ATAD2B: variants seen among roughly 807,000 people sequenced by gnomAD.
The protein encoded by ATAD2B is ATPase family AAA domain-containing protein 2B.
ATAD2B carries 40 observed loss-of-function variants against 167.6 expected under a neutral mutation model. The observed-to-expected ratio is 0.24, with a 90% CI of 0.19 to 0.31. The LOEUF is 0.31. Ranked by LOEUF, ATAD2B falls within the 10% of genes least tolerant of loss-of-function variation. The pLI, the probability that ATAD2B is intolerant of heterozygous loss-of-function variation, is 1.00. For synonymous variants in ATAD2B, 579 were observed against 596.5 expected, an observed-to-expected ratio of 0.97 and a Z score of 0.43; for missense variants, 1,242 against 1,757.2, an observed-to-expected ratio of 0.71 and a Z score of 5.24.
intron 12 of ATAD2B, among the ~76,000 whole-genome samples, chr2:23,861,018 G>A (rs972086376): frequency 1.7e-4 from 26 of 151,624 alleles, no homozygotes; most frequent in African/African-American, 5.6e-4. Flanking sequence ...AGGGGTTTTG[G>A]GGAAAAAAAG....
intron 6 of ATAD2B, chr2:23,883,654 T>C: frequency 7.9e-7 from 1 of 1,270,160 alleles, no homozygotes. Flanking sequence ...ACAATAATAT[T>C]TGCTCAATAA....
chr2:23,897,837 T>C (rs13391415), intron 1 of ATAD2B, among the ~76,000 whole-genome samples: 1,895 of 152,328 alleles, frequency 0.012, 37 homozygotes, highest in African/African-American at 0.043. Context: ...TAGTCAATGA[T>C]AGTATTTAGA....
downstream of ATAD2B, among the ~76,000 whole-genome samples, chr2:23,745,073 G>A (rs1674757446): frequency 6.6e-6 from 1 of 152,078 alleles, no homozygotes; most frequent in Non-Finnish European, 1.5e-5. Flanking sequence ...ATCACCTGAG[G>A]TCAGGAGTTC....
At chr2:23,840,734 T>C (rs1376895714) in intron 13 of ATAD2B, among the ~76,000 whole-genome samples, 3 of 152,238 alleles carry the variant, frequency 2.0e-5, no homozygotes, top group Non-Finnish European at 4.4e-5. Context: ...AATGTGGTGG[T>C]TCCAATTAAT....
the ATAD2B span, chr2:23,696,247 C>G: frequency 6.7e-7 from 1 of 1,482,802 alleles, no homozygotes; most frequent in Non-Finnish European, 9.2e-7. This position sits in a 1 kb window ranked among gnomAD's most constrained non-coding sequence, Gnocchi z 5.5. Context: ...GCAGGTGAAG[C>G]CTTCCTCTGC....
chr2:23,706,890 T>C, the ATAD2B span: 38 of 462,204 alleles, frequency 8.2e-5, no homozygotes, highest in African/African-American at 7.6e-4. Flanking sequence ...GATCCCGCCA[T>C]GGGGCTGGCT....
Position 23,867,817 on chromosome 2 carries a change from A to G in ATAD2B, c.1188+18T>C. 1.3e-6 allele frequency: 2 copies of G among 1,549,262 alleles called. No individual in the cohort carries two copies. Among genetic ancestry groups the G allele is most frequent in the Non-Finnish European group, 1.8e-6 (2 of 1,136,664 alleles). On this transcript the variant is annotated intron_variant, in intron 10 of 27. Coordinates refer to ENST00000238789, the MANE Select transcript of ATAD2B (RefSeq NM_017552.4). Reference sequence around the variant, plus strand: ...TTAAAAAAAAGAAAACTTCTAGAAAAACATTTACAAAACTTACTGATTTAT... The same window carrying G: ...TTAAAAAAAAGAAAACTTCTAGAAAGACATTTACAAAACTTACTGATTTAT...
At chr2:23,729,895 A>T in the ATAD2B span, among the ~76,000 whole-genome samples, 1 of 152,244 alleles carries the variant, frequency 6.6e-6, no homozygotes, top group Non-Finnish European at 1.5e-5. Context: ...TTTAAGATAC[A>T]TGAAGGAAAA....
intron 1 of ATAD2B, among the ~76,000 whole-genome samples, chr2:23,918,707 C>T (rs1482659913): frequency 6.6e-6 from 1 of 152,170 alleles, no homozygotes; most frequent in Admixed American, 6.6e-5. Flanking sequence ...ACAACAGCTG[C>T]CACCTTCACT....
intron 22 of ATAD2B, among the ~76,000 whole-genome samples, chr2:23,780,627 C>T (rs953633432): frequency 1.3e-5 from 2 of 152,070 alleles, no homozygotes; most frequent in Non-Finnish European, 2.9e-5. Flanking sequence ...AGGCCAGGCG[C>T]GGTGGCTCAC....
chr2:23,865,853 T>C (rs1159995296), intron 10 of ATAD2B: 2 of 241,712 alleles, frequency 8.3e-6, no homozygotes, highest in Non-Finnish European at 1.3e-5. Flanking sequence ...CCCATAATAG[T>C]TTAAATAGCT....
chr2:23,857,886 C>A (rs573598139), intron 12 of ATAD2B, among the ~76,000 whole-genome samples: 5 of 151,526 alleles, frequency 3.3e-5, no homozygotes, highest in Non-Finnish European at 5.9e-5. Context: ...GGACTACAGG[C>A]GCACACCACC....
At chr2:23,807,566 T>C (rs1427688113) in intron 18 of ATAD2B, among the ~76,000 whole-genome samples, 1 of 151,982 alleles carries the variant, frequency 6.6e-6, no homozygotes, top group Non-Finnish European at 1.5e-5. Flanking sequence ...TCTCTGAAGA[T>C]ACTTCTTTGG....
chr2:23,830,405 A>G (rs1416204666), intron 14 of ATAD2B, among the ~76,000 whole-genome samples: 1 of 152,228 alleles, frequency 6.6e-6, no homozygotes. Context: ...GAAAATTACA[A>G]CACTTTTTAA....
At chr2:23,893,448 A>T (rs1231211275) in intron 2 of ATAD2B, among the ~76,000 whole-genome samples, 1 of 152,104 alleles carries the variant, frequency 6.6e-6, no homozygotes, top group Non-Finnish European at 1.5e-5. Context: ...ACATAAAAAC[A>T]AATACAAGCC....
rs532992343 is a variant in ATAD2B at position 23,821,859 on chromosome 2, G to C, written c.2131+1399C>G. Among the ~76,000 whole-genome samples the C allele has an allele frequency of 1.5e-3, 231 of 152,028 alleles. 2 individuals are homozygous for C. Among genetic ancestry groups the C allele is most frequent in the Non-Finnish European group, 2.7e-3 (181 of 67,946 alleles). On this transcript the variant is annotated intron_variant, in intron 16 of 27. Coordinates refer to ENST00000238789, the MANE Select transcript of ATAD2B (RefSeq NM_017552.4). Reference sequence around the variant, plus strand: ...TTAAGAGACAGGGTTTCACCATGTTGGCCAGGCTGGTCTTGAACTCCTGAC... The same window carrying C: ...TTAAGAGACAGGGTTTCACCATGTTCGCCAGGCTGGTCTTGAACTCCTGAC...
chr2:23,705,374 C>T, the ATAD2B span, among the ~76,000 whole-genome samples: 1 of 152,066 alleles, frequency 6.6e-6, no homozygotes, highest in Non-Finnish European at 1.5e-5. Context: ...GCCTGTAATC[C>T]CAGCTAACTC....
At chr2:23,872,702 G>A (rs1696190666) in intron 8 of ATAD2B, 1 of 1,257,396 alleles carries the variant, frequency 8.0e-7, no homozygotes, top group South Asian at 1.2e-5. Context: ...CTTTGCAGCA[G>A]TTTCTGCTTT....
chr2:23,863,359 T>C (rs1463610429), intron 12 of ATAD2B, 22 bp downstream of exon 12: 3 of 1,544,744 alleles, frequency 1.9e-6, no homozygotes, highest in African/African-American at 2.8e-5. Context: ...AAAAGACTCT[T>C]GAATTAGATG....
Sources: allele counts gnomAD v4.1 joint callset (sites outside exome capture counted in the v4.1 genomes callset), GRCh38; gene constraint gnomAD v4.1.1; non-coding constraint Gnocchi (gnomAD v3.1); transcripts MANE v1.5; gene names NCBI Gene and HGNC (gene_info 2026-07-23, HGNC 2026-07-21).